Variants in YTHDF2 observed in about 807,000 individuals in gnomAD.
YTHDF2 encodes the protein YTH N6-methyladenosine RNA binding protein F2.
A neutral mutation model predicts 50.4 loss-of-function variants in YTHDF2; 2 were observed. The observed-to-expected ratio is 0.04, with a 90% confidence interval of 0.02 to 0.12. The LOEUF (loss-of-function observed/expected upper bound fraction) is 0.12. Ranked by LOEUF, YTHDF2 falls within the 10% of genes least tolerant of loss-of-function variation. YTHDF2 has a pLI of 1.00. For synonymous variants in YTHDF2, 217 were observed against 255.6 expected, an observed-to-expected ratio of 0.85 and a Z score of 1.44; for missense variants, 483 against 722.6, an observed-to-expected ratio of 0.67 and a Z score of 3.80.
intron 2 of YTHDF2, among the ~76,000 whole-genome samples, 196 bp from the exon 3 acceptor site, chr1:28,738,063 A>C (rs186505419): frequency 6.6e-6 from 1 of 152,196 alleles, no homozygotes; most frequent in South Asian, 2.1e-4. Context: ...TTTTAGATCA[A>C]CTTGCTCTGG....
Position 28,737,146 on chromosome 1 carries a change from A to C in YTHDF2, c.26A>C (p.Gln9Pro). 2 of 1,598,656 alleles carry C rather than the reference A, an allele frequency of 1.3e-6. No homozygotes were observed. Among genetic ancestry groups the C allele is most frequent in the Non-Finnish European group, 1.7e-6 (2 of 1,174,648 alleles). The change falls in exon 1 of 5, where the codon CAG becomes CCG. Residue 9 changes from glutamine to proline, a missense_variant and splice_region_variant. Gln to Pro is a moderately conservative substitution (Grantham distance 76). Transcript: ENST00000373812. ...ATGTCGGCCAGCAGCCTCTTGGAGC[A>C]GGTACAGGCCCGGCCCGCATGCCTC... MSASSLLEQRPKGQGNKVQ... is the reference protein window; with the variant it reads MSASSLLEPRPKGQGNKVQ...
intron 4 of YTHDF2, among the ~76,000 whole-genome samples, chr1:28,748,003 C>T (rs2087891206): frequency 7.6e-6 from 1 of 132,032 alleles, no homozygotes; most frequent in African/African-American, 2.5e-5. Context: ...TGGTGGGCTC[C>T]TGTAGTCCCA....
chr1:28,746,756 T>C (rs2087868574), intron 4 of YTHDF2, among the ~76,000 whole-genome samples: 1 of 149,568 alleles, frequency 6.7e-6, no homozygotes, highest in South Asian at 2.1e-4. Context: ...AGAGACTCTG[T>C]CTAAACAAAC....
chr1:28,744,425 T>C lies in YTHDF2; in HGVS notation c.1716+439T>C, dbSNP rs144060624. 9.1e-4 allele frequency among the ~76,000 whole-genome samples: 138 copies of C among 152,292 alleles called. 1 individual carries two copies. In the East Asian group the frequency reaches 0.024, roughly 26 times the overall value. On this transcript the variant is annotated intron_variant, in intron 4 of 4. Transcript: ENST00000373812. ...TTGTGGTTATTTTCAAGAGTCAATATGTCATCACCAACTCTTGAAATCACT... is the reference window on the plus strand; with the variant it reads ...TTGTGGTTATTTTCAAGAGTCAATACGTCATCACCAACTCTTGAAATCACT...
chr1:28,737,277 C>G, intron 1 of YTHDF2, 130 bp downstream of exon 1: 1 of 1,261,796 alleles, frequency 7.9e-7, no homozygotes, highest in East Asian at 3.0e-5. Context: ...GGTTTCGGGC[C>G]TCTCAGGCCG....
chr1:28,763,866 C>G (rs180937321), intron 4 of YTHDF2, among the ~76,000 whole-genome samples: 2 of 100,440 alleles, frequency 2.0e-5, no homozygotes, highest in Admixed American at 8.9e-5. Flanking sequence ...AAAGAACCAA[C>G]TTTTGTTTTT....
chr1:28,748,203 A>G (rs934279814), intron 4 of YTHDF2, among the ~76,000 whole-genome samples: 26 of 151,778 alleles, frequency 1.7e-4, no homozygotes, highest in African/African-American at 6.0e-4. Flanking sequence ...CCCAGTTACC[A>G]TTTTAGTTAG....
chr1:28,749,726 A>C (rs989794783), intron 4 of YTHDF2, among the ~76,000 whole-genome samples: 1 of 150,618 alleles, frequency 6.6e-6, no homozygotes, highest in Non-Finnish European at 1.5e-5. Flanking sequence ...TGAATGATGG[A>C]GCCGTGGGAG....
At chr1:28,746,359 A>G (rs193048186) in intron 4 of YTHDF2, among the ~76,000 whole-genome samples, 16 of 152,274 alleles carry the variant, frequency 1.1e-4, no homozygotes, top group Admixed American at 6.5e-4. Context: ...ATAGACTTGT[A>G]TGTGTTAGGG....
At chr1:28,738,187 A>G (rs1309345335) in intron 2 of YTHDF2, 72 bp from the exon 3 acceptor site, 2 of 1,216,994 alleles carry the variant, frequency 1.6e-6, no homozygotes, top group Non-Finnish European at 2.4e-6. Flanking sequence ...TTCTCTGGTT[A>G]GCATATATGA....
chr1:28,746,362 T>C (rs1388135751), intron 4 of YTHDF2, among the ~76,000 whole-genome samples: 1 of 152,122 alleles, frequency 6.6e-6, no homozygotes, highest in Non-Finnish European at 1.5e-5. Context: ...GACTTGTATG[T>C]GTTAGGGCCA....
rs900690430 is a variant in YTHDF2, at chr1:28,769,341, C to T, written c.*389C>T. ...TCCTCCTCCCATTTTGACATTTGCACTTGGAGAACACTTGAGTTGTGAAGG... is the reference window on the plus strand; with the variant it reads ...TCCTCCTCCCATTTTGACATTTGCATTTGGAGAACACTTGAGTTGTGAAGG... On this transcript the variant is annotated 3_prime_UTR_variant, in exon 5 of 5. Transcript: ENST00000373812. The T allele has an allele frequency of 9.0e-5, 14 of 155,440 alleles. No homozygotes were observed. Among genetic ancestry groups the T allele is most frequent in the Admixed American group, 2.6e-4 (4 of 15,360 alleles). The allele number at this position is 155,440 out of a possible 1,614,324, so 9.6% of individuals were successfully genotyped here. A position where few individuals can be genotyped will look rare whatever the true frequency, so the allele number is the denominator to read the frequency against.
In YTHDF2 at chr1:28,755,893, T is replaced by G. The variant is rs555249114; in HGVS notation, c.1716+11907T>G. On this transcript the variant is annotated intron_variant, in intron 4 of 4. Coordinates refer to ENST00000373812, the MANE Select transcript of YTHDF2 (RefSeq NM_016258.3). ...AAAAATCTGAAATCCAAAACATTTC[T>G]TACCCCAAGAATTTCAGATAGGGGA... Among the ~76,000 whole-genome samples the G allele has an allele frequency of 3.3e-5, 5 of 152,300 alleles. No homozygotes were observed. In the East Asian group the frequency reaches 9.6e-4, roughly 29 times the overall value.
rs538242675 is a variant in YTHDF2 at position 28,749,238 on chromosome 1, CGGG to C, written c.1716+5253_1716+5255del. Among the ~76,000 whole-genome samples, 3 of 135,248 alleles carry C rather than the reference CGGG, an allele frequency of 2.2e-5. No homozygotes were observed. In the South Asian group the frequency reaches 6.9e-4, roughly 31 times the overall value. The allele number at this position is 135,248 out of a possible 152,430, so 88.7% of individuals were successfully genotyped here. A position where few individuals can be genotyped will look rare whatever the true frequency, so the allele number is the denominator to read the frequency against. ...TCTCAGTCTCGCTCTGTCGTCCAGGCGGGAGTGCAGTGGCGCATTCTCGGCCCA... is the reference window on the plus strand; with the variant it reads ...TCTCAGTCTCGCTCTGTCGTCCAGGCAGTGCAGTGGCGCATTCTCGGCCCA... On this transcript the variant is annotated intron_variant, in intron 4 of 4. Transcript: ENST00000373812.
intron 4 of YTHDF2, among the ~76,000 whole-genome samples, chr1:28,744,681 AC>A (rs370871519): frequency 4.6e-4 from 70 of 152,196 alleles, no homozygotes; most frequent in African/African-American, 1.6e-3. Flanking sequence ...ATTTATACTT[AC>A]TTTTTTTTGG....
chr1:28,756,636 G>C (rs1280813589), intron 4 of YTHDF2, among the ~76,000 whole-genome samples: 1 of 152,120 alleles, frequency 6.6e-6, no homozygotes, highest in Non-Finnish European at 1.5e-5. Flanking sequence ...AGATGAGGTA[G>C]AGGGATCTGT....
intron 4 of YTHDF2, among the ~76,000 whole-genome samples, chr1:28,754,328 T>A (rs1299191068): frequency 6.6e-6 from 1 of 152,044 alleles, no homozygotes; most frequent in Non-Finnish European, 1.5e-5. Context: ...ATGAGTTTGA[T>A]ACCAGCCTGG....
At position 28,747,523 on chromosome 1, in the gene YTHDF2, TAA is replaced by T. The variant is rs57710499; in HGVS notation, c.1716+3551_1716+3552del. Among the ~76,000 whole-genome samples, 83 of 119,880 alleles carry T rather than the reference TAA, an allele frequency of 6.9e-4. 1 individual carries two copies. Among genetic ancestry groups the T allele is most frequent in the Admixed American group, 1.9e-3 (23 of 12,118 alleles). 78.6% of individuals were successfully genotyped at this position (119,880 alleles called of 152,430 possible). On this transcript the variant is annotated intron_variant, in intron 4 of 4. Coordinates refer to ENST00000373812, the MANE Select transcript of YTHDF2 (RefSeq NM_016258.3). ...GCCTGGTGAAAGAGCAAAACTTGTC[TAA>T]AAAAAAAAAAAAACCATTCCATAAA...
chr1:28,740,990 C>T (rs1384707810), intron 3 of YTHDF2, among the ~76,000 whole-genome samples: 1 of 151,008 alleles, frequency 6.6e-6, no homozygotes, highest in Non-Finnish European at 1.5e-5. Context: ...AGGTGTGAGC[C>T]ACCGCGCCCG....
Sources: allele counts gnomAD v4.1 joint callset (sites outside exome capture counted in the v4.1 genomes callset), GRCh38; gene constraint gnomAD v4.1.1; transcripts MANE v1.5; gene names NCBI Gene and HGNC (gene_info 2026-07-23, HGNC 2026-07-21).